ACYP2: variants seen among roughly 807,000 people sequenced by gnomAD.
ACYP2 encodes the protein acylphosphatase 2.
A neutral mutation model predicts 11.2 loss-of-function variants in ACYP2; 12 were observed. The ratio of observed to expected loss-of-function variants is 1.08; its 90% CI spans 0.69 to 1.74. The LOEUF (loss-of-function observed/expected upper bound fraction) is 1.74, where lower values mean the gene tolerates loss of function less well. Among genes scored for constraint, ACYP2 ranks in the 40% most tolerant of loss-of-function variants. The probability of loss-of-function intolerance (pLI) is 0.00; values close to 1 mark genes in which losing one functional copy is unlikely to be tolerated. For missense variants in ACYP2, 134 were observed against 101.9 expected, an observed-to-expected ratio of 1.31 and a Z score of -1.35; for synonymous variants, 43 against 32.2, an observed-to-expected ratio of 1.33 and a Z score of -1.13.
rs1247795229 is a variant in ACYP2 at position 54,162,602 on chromosome 2, C to T, written c.404+23854C>T. 1.3e-5 allele frequency among the ~76,000 whole-genome samples: 2 copies of T among 152,058 alleles called. 1 individual carries two copies. The highest frequency in any genetic ancestry group is 1.3e-4 in the Admixed American group (2 of 15,258). On this transcript the variant is annotated intron_variant, in intron 6 of 6. Coordinates refer to ENST00000607452, the MANE Select transcript of ACYP2 (RefSeq NM_001320586.2). ...CAGAAACCCTGGGGATGGGGCCCAACAATCTGTTTTGAAAGGCTGTTTTGA... is the reference window on the plus strand; with the variant it reads ...CAGAAACCCTGGGGATGGGGCCCAATAATCTGTTTTGAAAGGCTGTTTTGA...
chr2:54,040,982 G>A (rs1160663180), intron 2 of ACYP2, among the ~76,000 whole-genome samples: 3 of 152,206 alleles, frequency 2.0e-5, no homozygotes, highest in African/African-American at 4.8e-5. Context: ...GCTGATGCAG[G>A]TGATTGAGAG....
intron 6 of ACYP2, among the ~76,000 whole-genome samples, chr2:54,302,072 A>T (rs1256366593): frequency 6.6e-6 from 1 of 152,222 alleles, no homozygotes; most frequent in Non-Finnish European, 1.5e-5. Context: ...GTCCCTGATG[A>T]TGTTGAGGAC....
intron 6 of ACYP2, among the ~76,000 whole-genome samples, chr2:54,281,443 A>G (rs1474177908): frequency 6.6e-6 from 1 of 152,204 alleles, no homozygotes. Context: ...GCAAGTTACT[A>G]GCCTACATGA....
At chr2:53,995,068 A>G (rs1285142238) in intron 2 of ACYP2, among the ~76,000 whole-genome samples, 1 of 152,222 alleles carries the variant, frequency 6.6e-6, no homozygotes, top group Non-Finnish European at 1.5e-5. Context: ...TATTCAAAAG[A>G]AATTTTAAGA....
chr2:54,082,692 A>T (rs1314002186), intron 4 of ACYP2: 9 of 152,190 alleles, frequency 5.9e-5, no homozygotes, highest in African/African-American at 1.7e-4. Context: ...TCTATGCAAC[A>T]TTTTCTAGTA....
At chr2:54,172,492 G>C (rs1237405197) in intron 6 of ACYP2, among the ~76,000 whole-genome samples, 3 of 152,178 alleles carry the variant, frequency 2.0e-5, no homozygotes, top group African/African-American at 7.2e-5. Flanking sequence ...ACAACAATGT[G>C]TGTAACCCAT....
chr2:54,294,200 A>T (rs1287203257), intron 6 of ACYP2, among the ~76,000 whole-genome samples: 2 of 152,082 alleles, frequency 1.3e-5, no homozygotes, highest in Non-Finnish European at 2.9e-5. Context: ...CTTTAATTTC[A>T]CCTCTGTTTC....
At chr2:54,131,002 C>A (rs895926750) in intron 4 of ACYP2, among the ~76,000 whole-genome samples, 3 of 152,136 alleles carry the variant, frequency 2.0e-5, no homozygotes, top group Non-Finnish European at 4.4e-5. Flanking sequence ...CCAAATTGTC[C>A]ATTATTTTAA....
At chr2:54,182,156 T>C (rs1184456257) in intron 6 of ACYP2, among the ~76,000 whole-genome samples, 1 of 149,940 alleles carries the variant, frequency 6.7e-6, no homozygotes, top group Non-Finnish European at 1.5e-5. Flanking sequence ...GCCTTCGGGT[T>C]TCAAGTGATT....
At chr2:54,235,660 G>GT (rs943201629) in intron 6 of ACYP2, among the ~76,000 whole-genome samples, 9 of 151,840 alleles carry the variant, frequency 5.9e-5, no homozygotes, top group Admixed American at 6.6e-5. Flanking sequence ...AACCTATAGG[G>GT]TTTTTTTTGG....
intron 6 of ACYP2, among the ~76,000 whole-genome samples, chr2:54,265,362 A>T (rs1031730228): frequency 2.0e-5 from 3 of 152,206 alleles, no homozygotes; most frequent in African/African-American, 7.2e-5. Context: ...AGACTTATTC[A>T]CTATCACAAG....
intron 6 of ACYP2, 36 bp downstream of exon 3, chr2:54,138,784 T>C: frequency 6.4e-7 from 1 of 1,554,086 alleles, no homozygotes; most frequent in Non-Finnish European, 8.8e-7. Context: ...ACATGAAATT[T>C]ATGAGGCTGC....
chr2:54,035,330 A>C (rs1457031854), intron 2 of ACYP2, among the ~76,000 whole-genome samples: 1 of 140,932 alleles, frequency 7.1e-6, no homozygotes, highest in East Asian at 2.1e-4. Flanking sequence ...CAGTGGTGCG[A>C]TCTCGGCGCA....
chr2:54,194,194 C>T (rs1363696615), intron 6 of ACYP2, among the ~76,000 whole-genome samples: 8 of 152,210 alleles, frequency 5.3e-5, no homozygotes, highest in Middle Eastern at 3.4e-3. Context: ...GGTGTGCCAC[C>T]GCACCTGGCT....
At chr2:54,110,770 C>T (rs1232786489) in intron 4 of ACYP2, among the ~76,000 whole-genome samples, 1 of 152,022 alleles carries the variant, frequency 6.6e-6, no homozygotes, top group Non-Finnish European at 1.5e-5. Flanking sequence ...CCCATCACCC[C>T]AAGCTCAGTG....
At chr2:54,273,957 C>T (rs1000773734) in intron 6 of ACYP2, among the ~76,000 whole-genome samples, 1 of 152,184 alleles carries the variant, frequency 6.6e-6, no homozygotes, top group Admixed American at 6.5e-5. Flanking sequence ...CTGAGCTTCT[C>T]AAAAACCACC....
intron 4 of ACYP2, among the ~76,000 whole-genome samples, chr2:54,101,671 CAA>C (rs61395630): frequency 0.4 from 48,392 of 121,788 alleles, 8,863 homozygotes; most frequent in East Asian, 0.7. Flanking sequence ...GAGACTGTCT[CAA>C]AAAAAAAAAA....
intron 4 of ACYP2, among the ~76,000 whole-genome samples, chr2:54,066,515 T>C (rs1286229563): frequency 6.6e-6 from 1 of 152,192 alleles, no homozygotes; most frequent in African/African-American, 2.4e-5. Context: ...AAATTGAGGT[T>C]CACATTTAGC....
chr2:54,038,897 G>A (rs1675063833), intron 2 of ACYP2, among the ~76,000 whole-genome samples: 1 of 151,696 alleles, frequency 6.6e-6, no homozygotes, highest in African/African-American at 2.4e-5. Context: ...AGTGGGAAAA[G>A]GAGCTCTTGA....
Sources: gnomAD v4.1 joint callset for allele counts (sites outside exome capture counted in the v4.1 genomes callset) on GRCh38, gnomAD v4.1.1 for gene constraint, MANE v1.5 for transcripts, NCBI Gene and HGNC (gene_info 2026-07-23, HGNC 2026-07-21) for gene names.